NCAM1: variants seen among roughly 807,000 people sequenced by gnomAD.
NCAM1 encodes the protein neural cell adhesion molecule 1.
In NCAM1, 14 loss-of-function variants were observed where a neutral mutation model predicts 109.8. The ratio of observed to expected loss-of-function variants is 0.13; its 90% CI spans 0.08 to 0.20. The LOEUF is 0.20. Among genes scored for constraint, NCAM1 ranks in the 10% least tolerant of loss-of-function variants. The pLI, the probability that NCAM1 is intolerant of heterozygous loss-of-function variation, is 1.00. For synonymous variants in NCAM1, 418 were observed against 442.9 expected (o/e 0.94, Z 0.70); for missense variants, 774 against 1,109.9 (o/e 0.70, Z 4.30).
At chr11:113,269,274 T>G (rs1946212767) in intron 17 of NCAM1, among the ~76,000 whole-genome samples, 1 of 152,148 alleles carries the variant, frequency 6.6e-6, no homozygotes, top group South Asian at 2.1e-4. Context: ...CTGGGGGGAT[T>G]GCAGATGGGC....
chr11:113,128,173 T>G (rs1484803993), intron 1 of NCAM1, among the ~76,000 whole-genome samples: 5 of 152,176 alleles, frequency 3.3e-5, no homozygotes, highest in African/African-American at 1.2e-4. Flanking sequence ...TCTAATACGC[T>G]CAGCATCGCC....
chr11:113,060,279 A>T (rs1555083270), intron 1 of NCAM1, among the ~76,000 whole-genome samples: 1 of 152,046 alleles, frequency 6.6e-6, no homozygotes, highest in Admixed American at 6.6e-5. Context: ...CATAATTGAG[A>T]TTGCTGCTGC....
At chr11:112,965,945 G>C (rs1555065225) in intron 1 of NCAM1, among the ~76,000 whole-genome samples, 2 of 152,184 alleles carry the variant, frequency 1.3e-5, no homozygotes, top group African/African-American at 4.8e-5. Context: ...GCCCCCGTCA[G>C]TCTGCGGGAA....
At chr11:113,220,833 T>G (rs1021181880) in intron 8 of NCAM1, among the ~76,000 whole-genome samples, 1 of 151,936 alleles carries the variant, frequency 6.6e-6, no homozygotes, top group African/African-American at 2.4e-5. Context: ...ATGGTCTCAA[T>G]CTCCTGACCT....
intron 14 of NCAM1, chr11:113,246,122 T>C (rs1300527521): frequency 3.8e-6 from 2 of 532,432 alleles, no homozygotes; most frequent in Non-Finnish European, 6.6e-6. Flanking sequence ...TTCTGGGCAG[T>C]TTCACTGCCC....
At chr11:113,006,980 G>A (rs1951908304) in intron 1 of NCAM1, among the ~76,000 whole-genome samples, 1 of 152,192 alleles carries the variant, frequency 6.6e-6, no homozygotes, top group Non-Finnish European at 1.5e-5. Context: ...TAGCCACTAT[G>A]AAAGAAGGCA....
intron 16 of NCAM1, among the ~76,000 whole-genome samples, chr11:113,256,431 G>T (rs1945836547): frequency 6.6e-6 from 1 of 152,176 alleles, no homozygotes; most frequent in African/African-American, 2.4e-5. Context: ...CTGTACAGTA[G>T]GTCTTACCAT....
Position 113,047,041 on chromosome 11 carries a change from A to G in NCAM1, c.52+85377A>G, listed in dbSNP as rs183079663. On this transcript the variant is annotated intron_variant, in intron 1 of 19. Transcript: ENST00000316851. ...TATGTGTTAGGCTTTCATGTAAACA[A>G]CATTTGCTGATGGGAACAGCAACGT... Among the ~76,000 whole-genome samples the G allele has an allele frequency of 1.2e-4, 18 of 152,354 alleles. No homozygotes were observed. The South Asian group carries it at 1.7e-3, about 14-fold the overall frequency.
At chr11:113,272,245 CT>C (rs1408595204) in intron 19 of NCAM1, among the ~76,000 whole-genome samples, 1 of 152,140 alleles carries the variant, frequency 6.6e-6, no homozygotes, top group Non-Finnish European at 1.5e-5. Flanking sequence ...TGTTTTCCCC[CT>C]GAAAGGATAA....
At chr11:113,051,715 G>A (rs1238488213) in intron 1 of NCAM1, among the ~76,000 whole-genome samples, 3 of 152,052 alleles carry the variant, frequency 2.0e-5, no homozygotes, top group Non-Finnish European at 4.4e-5. Context: ...TTTAATGCCT[G>A]AAGATACCTA....
intron 9 of NCAM1, among the ~76,000 whole-genome samples, chr11:113,225,203 G>T (rs1467871756): frequency 6.6e-6 from 1 of 152,086 alleles, no homozygotes; most frequent in Non-Finnish European, 1.5e-5. Flanking sequence ...TAGACAAATG[G>T]CTAACTAGAA....
intron 1 of NCAM1, among the ~76,000 whole-genome samples, chr11:112,993,108 A>G (rs1380385505): frequency 1.3e-5 from 2 of 152,194 alleles, no homozygotes; most frequent in African/African-American, 4.8e-5. Flanking sequence ...GTTTTAGACC[A>G]TTCTTGCATT....
intron 1 of NCAM1, among the ~76,000 whole-genome samples, chr11:113,014,505 T>C (rs1952158498): frequency 6.6e-6 from 1 of 152,200 alleles, no homozygotes; most frequent in Admixed American, 6.5e-5. Flanking sequence ...CCTTCATTTC[T>C]TTAAGATGAA....
intron 1 of NCAM1, among the ~76,000 whole-genome samples, chr11:113,143,140 CGTGTAATACCCA>C (rs1259822320): frequency 1.3e-5 from 2 of 152,136 alleles, no homozygotes; most frequent in Non-Finnish European, 2.9e-5. Flanking sequence ...TCTCTAGTAT[CGTGTAATACCCA>C]GTGCAATTAT....
chr11:113,168,909 G>A (rs540914049), intron 1 of NCAM1, among the ~76,000 whole-genome samples: 61 of 152,238 alleles, frequency 4.0e-4, no homozygotes, highest in African/African-American at 1.4e-3. Flanking sequence ...GTGTGATTAA[G>A]CATAAGCTTT....
At chr11:113,035,591 C>G (rs1952849969) in intron 1 of NCAM1, among the ~76,000 whole-genome samples, 1 of 152,082 alleles carries the variant, frequency 6.6e-6, no homozygotes. Flanking sequence ...CCTTGGTGTT[C>G]TAGGAAGAAA....
At chr11:113,077,629 C>T (rs532472605) in intron 1 of NCAM1, among the ~76,000 whole-genome samples, 4 of 152,128 alleles carry the variant, frequency 2.6e-5, no homozygotes, top group Non-Finnish European at 5.9e-5. Context: ...TCTCATCCAA[C>T]ATGTTCCTCA....
At chr11:113,170,360 G>A (rs1942952197) in intron 1 of NCAM1, among the ~76,000 whole-genome samples, 1 of 152,188 alleles carries the variant, frequency 6.6e-6, no homozygotes, top group African/African-American at 2.4e-5. Flanking sequence ...TCTTAAAATA[G>A]GATCGCTGTC....
intron 1 of NCAM1, among the ~76,000 whole-genome samples, chr11:112,981,604 G>A (rs1396907822): frequency 1.3e-5 from 2 of 151,750 alleles, no homozygotes; most frequent in Non-Finnish European, 2.9e-5. Context: ...TTTACTAGTG[G>A]TCTTGAGCTA....
Sources: allele counts gnomAD v4.1 joint callset (sites outside exome capture counted in the v4.1 genomes callset), GRCh38; gene constraint gnomAD v4.1.1; transcripts MANE v1.5; gene names NCBI Gene and HGNC (gene_info 2026-07-23, HGNC 2026-07-21).